The following CHST10 variants were observed in gnomAD, a reference collection of about 807,000 sequenced individuals.
The protein encoded by CHST10 is carbohydrate sulfotransferase 10.
In CHST10, 24 loss-of-function variants were observed where a neutral mutation model predicts 34.7. The ratio of observed to expected loss-of-function variants is 0.69; its 90% CI spans 0.50 to 0.97. The LOEUF is 0.97. CHST10 is among the 50% of genes least tolerant of loss of function. The pLI is 0.00. For missense variants in CHST10, 402 were observed against 452.1 expected, an observed-to-expected ratio of 0.89 and a Z score of 1.00; for synonymous variants, 161 against 169.3, an observed-to-expected ratio of 0.95 and a Z score of 0.38.
intron 6 of CHST10, among the ~76,000 whole-genome samples, chr2:100,394,702 T>C (rs1159073433): frequency 6.6e-6 from 1 of 150,684 alleles, no homozygotes; most frequent in Admixed American, 6.6e-5. Flanking sequence ...AACTTTCTCA[T>C]CTATTAGCTA....
chr2:100,409,687 C>G (rs888403618), intron 2 of CHST10, among the ~76,000 whole-genome samples: 2 of 152,146 alleles, frequency 1.3e-5, no homozygotes, highest in African/African-American at 4.8e-5. Context: ...AAGAGCTCTT[C>G]GGGCTCCCAT....
rs769247228 is a variant in CHST10, at chr2:100,393,244, A to G, written c.*1T>C. On this transcript the variant is annotated 3_prime_UTR_variant, in exon 7 of 7. Transcript: ENST00000264249. ...ATATTTGAATTCATAGGTCTTATGC[A>G]TTAGTTTAGCAAAAAGTCTGGTTTC... is the stretch of plus-strand genomic sequence containing the variant. 13 of 1,614,012 alleles carry G rather than the reference A, an allele frequency of 8.1e-6. No individual in the cohort carries two copies. Among genetic ancestry groups the G allele is most frequent in the Non-Finnish European group, 1.0e-5 (12 of 1,179,974 alleles).
At chr2:100,395,398 T>G (rs1675008474) in intron 6 of CHST10, 111 bp downstream of exon 6, 1 of 867,614 alleles carries the variant, frequency 1.2e-6, no homozygotes, top group East Asian at 2.5e-5. Flanking sequence ...GACAGCCCTC[T>G]GTGGTCCTCC....
chr2:100,399,945 C>G (rs1675259263), intron 4 of CHST10, among the ~76,000 whole-genome samples: 1 of 152,194 alleles, frequency 6.6e-6, no homozygotes, highest in Non-Finnish European at 1.5e-5. Flanking sequence ...AAACCAGGAG[C>G]CACGCCAGGC....
intron 5 of CHST10, among the ~76,000 whole-genome samples, chr2:100,396,406 G>C (rs140493357): frequency 6.6e-6 from 1 of 152,340 alleles, no homozygotes; most frequent in East Asian, 1.9e-4. Context: ...GAAATACACT[G>C]TCAGTATGCT....
chr2:100,415,335 T>G (rs1676022019), intron 1 of CHST10, among the ~76,000 whole-genome samples: 1 of 152,210 alleles, frequency 6.6e-6, no homozygotes, highest in African/African-American at 2.4e-5. Flanking sequence ...GACTCTTCCA[T>G]GTAACTTAGT....
At chr2:100,400,978 G>A (rs1453099358) in intron 4 of CHST10, among the ~76,000 whole-genome samples, 1 of 152,204 alleles carries the variant, frequency 6.6e-6, no homozygotes, top group African/African-American at 2.4e-5. Context: ...ACCGCACCTG[G>A]CCAAAATAAA....
chr2:100,411,806 A>T (rs1029116312), intron 2 of CHST10, among the ~76,000 whole-genome samples: 3 of 152,178 alleles, frequency 2.0e-5, no homozygotes, highest in African/African-American at 7.2e-5. Context: ...ATGGTGTGAG[A>T]GGGACATGGT....
rs1676126168 is a variant in CHST10, at chr2:100,417,645, C to T, written c.-375G>A. On this transcript the variant is annotated 5_prime_UTR_variant, in exon 1 of 7. Coordinates refer to ENST00000264249, the MANE Select transcript of CHST10 (RefSeq NM_004854.5). ...CACCGCCTCACGCGGCCCCCTCGCG[C>T]CTATCCGGCCGTGCGCGCCGCCTGC... The T allele has an allele frequency of 6.6e-6, 1 of 150,768 alleles. No individual in the cohort carries two copies. Among genetic ancestry groups the T allele is most frequent in the Non-Finnish European group, 1.5e-5 (1 of 67,564 alleles). 9.3% of individuals were successfully genotyped at this position (150,768 alleles called of 1,614,324 possible). A position where few individuals can be genotyped will look rare whatever the true frequency, so the allele number is the denominator to read the frequency against.
chr2:100,412,558 T>C (rs976590941), intron 2 of CHST10, among the ~76,000 whole-genome samples: 1 of 152,208 alleles, frequency 6.6e-6, no homozygotes, highest in Non-Finnish European at 1.5e-5. Flanking sequence ...TTCGTGACTC[T>C]AATGAGCAGC....
intron 2 of CHST10, 23 bp from the exon 3 acceptor site, chr2:100,406,730 C>T (rs762749998): frequency 2.5e-6 from 4 of 1,609,532 alleles, no homozygotes; most frequent in Middle Eastern, 1.7e-4. Context: ...AGCGAGATGC[C>T]CCTGCTGCTT....
At chr2:100,416,978 T>A (rs1558649650) in intron 1 of CHST10, 2 of 1,304,126 alleles carry the variant, frequency 1.5e-6, no homozygotes, top group South Asian at 2.5e-5. Flanking sequence ...CACCCCTGAC[T>A]CCCCTCGCAC....
At chr2:100,412,229 G>A (rs1012543605) in intron 2 of CHST10, among the ~76,000 whole-genome samples, 2 of 152,204 alleles carry the variant, frequency 1.3e-5, no homozygotes, top group Middle Eastern at 3.2e-3. Context: ...AAGCAACCCC[G>A]GTTGGGTGCT....
intron 2 of CHST10, among the ~76,000 whole-genome samples, chr2:100,407,480 C>A (rs1675631060): frequency 6.6e-6 from 1 of 152,196 alleles, no homozygotes; most frequent in African/African-American, 2.4e-5. Flanking sequence ...CCAAAGCTCT[C>A]CACGTACAGA....
At chr2:100,397,868 A>G in intron 5 of CHST10, 40 bp downstream of exon 5, 1 of 1,538,566 alleles carries the variant, frequency 6.5e-7, no homozygotes, top group East Asian at 2.2e-5. Flanking sequence ...ACCGGCCACC[A>G]AGACCCTTCC....
At chr2:100,398,195 C>A in intron 4 of CHST10, 53 bp from the exon 5 acceptor site, 1 of 1,364,682 alleles carries the variant, frequency 7.3e-7, no homozygotes, top group Non-Finnish European at 1.0e-6. Context: ...GGAGGCAGGA[C>A]CGGGCCAAGC....
chr2:100,401,807 T>C (rs770388961), intron 4 of CHST10, among the ~76,000 whole-genome samples: 16 of 152,180 alleles, frequency 1.1e-4, no homozygotes, highest in Non-Finnish European at 2.2e-4. Flanking sequence ...TTATCATCCT[T>C]ACACTGTGAC....
At chr2:100,395,675 C>T in intron 5 of CHST10, 61 bp from the exon 6 acceptor site, 1 of 1,333,522 alleles carries the variant, frequency 7.5e-7, no homozygotes, top group South Asian at 1.2e-5. Context: ...TAGAGAAGGG[C>T]ATGTCCTTAC....
chr2:100,401,354 T>C (rs1016895077), intron 4 of CHST10, among the ~76,000 whole-genome samples: 1 of 152,126 alleles, frequency 6.6e-6, no homozygotes, highest in African/African-American at 2.4e-5. Context: ...CACTGCAAAC[T>C]GTAAAGCACA....
Sources: gnomAD v4.1 joint callset for allele counts (sites outside exome capture counted in the v4.1 genomes callset) on GRCh38, gnomAD v4.1.1 for gene constraint, MANE v1.5 for transcripts, NCBI Gene and HGNC (gene_info 2026-07-23, HGNC 2026-07-21) for gene names.